Variants in UNC13C observed in about 807,000 individuals in gnomAD.
UNC13C encodes protein unc-13 homolog C.
UNC13C carries 174 observed loss-of-function variants against 245.4 expected under a neutral mutation model. That is an observed-to-expected ratio of 0.71 (90% CI 0.63 to 0.80). The LOEUF is 0.80. Among genes scored for constraint, UNC13C ranks in the 30% least tolerant of loss-of-function variants. The pLI is 0.00. For synonymous variants in UNC13C, 992 were observed against 895.1 expected, an observed-to-expected ratio of 1.11 and a Z score of -1.93; for missense variants, 2,829 against 2,602.9, an observed-to-expected ratio of 1.09 and a Z score of -1.89.
At chr15:54,618,636 A>T (rs1900601440) in intron 30 of UNC13C, among the ~76,000 whole-genome samples, 1 of 152,098 alleles carries the variant, frequency 6.6e-6, no homozygotes, top group Non-Finnish European at 1.5e-5. Flanking sequence ...TTCACTGTAC[A>T]CATCATATTC....
chr15:54,583,363 A>T (rs746321), intron 30 of UNC13C, among the ~76,000 whole-genome samples: 96,534 of 152,074 alleles, frequency 0.63, 31,188 homozygotes, highest in African/African-American at 0.72. Flanking sequence ...TGTAGACTGC[A>T]CTAAAATAAC....
downstream of UNC13C, chr15:54,629,997 C>T (rs1025179116): frequency 1.3e-5 from 2 of 152,136 alleles, no homozygotes; most frequent in African/African-American, 4.8e-5. Flanking sequence ...AGAACAAAGC[C>T]TGTTATATTT....
At chr15:54,216,789 T>A (rs1231365944) in intron 4 of UNC13C, among the ~76,000 whole-genome samples, 2 of 152,000 alleles carry the variant, frequency 1.3e-5, no homozygotes, top group South Asian at 4.1e-4. Flanking sequence ...AGCGTGAACA[T>A]TGTTGTTCCG....
At chr15:54,438,588 T>G (rs926736700) in intron 19 of UNC13C, among the ~76,000 whole-genome samples, 1 of 152,008 alleles carries the variant, frequency 6.6e-6, no homozygotes, top group African/African-American at 2.4e-5. Context: ...TTAATGTTTA[T>G]GTTCTTGCCA....
At chr15:54,616,301 G>C (rs1475148842) in intron 30 of UNC13C, among the ~76,000 whole-genome samples, 2 of 152,036 alleles carry the variant, frequency 1.3e-5, no homozygotes, top group Non-Finnish European at 2.9e-5. Context: ...CATAATTCCT[G>C]TGGAGTTTGT....
At chr15:54,018,884 G>A (rs1895776821) in intron 2 of UNC13C, among the ~76,000 whole-genome samples, 1 of 151,986 alleles carries the variant, frequency 6.6e-6, no homozygotes, top group African/African-American at 2.4e-5. Flanking sequence ...GAGTTAATAT[G>A]TGTTGGATAA....
intron 2 of UNC13C, among the ~76,000 whole-genome samples, chr15:54,054,258 C>T (rs1284713804): frequency 6.6e-6 from 1 of 152,150 alleles, no homozygotes; most frequent in Non-Finnish European, 1.5e-5. Flanking sequence ...TGTTCTTTCT[C>T]TGCATCTCCA....
At chr15:54,033,785 T>C (rs1896462249) in intron 2 of UNC13C, among the ~76,000 whole-genome samples, 1 of 152,008 alleles carries the variant, frequency 6.6e-6, no homozygotes. Flanking sequence ...CTCAGGAAAA[T>C]GGTCCAAGCA....
intron 8 of UNC13C, among the ~76,000 whole-genome samples, chr15:54,260,274 T>C (rs1218266487): frequency 2.0e-5 from 3 of 152,182 alleles, no homozygotes; most frequent in African/African-American, 7.2e-5. Context: ...AGAAATCTGC[T>C]AATACTACAA....
intron 14 of UNC13C, among the ~76,000 whole-genome samples, chr15:54,328,211 TATG>T (rs1289506252): frequency 1.1e-4 from 16 of 152,248 alleles, no homozygotes; most frequent in African/African-American, 3.8e-4. Context: ...TTCATAATAG[TATG>T]ATATTTCTGT....
At chr15:54,297,407 C>T (rs1377289112) in intron 11 of UNC13C, among the ~76,000 whole-genome samples, 2 of 151,926 alleles carry the variant, frequency 1.3e-5, no homozygotes. Flanking sequence ...AGGTGAAGTG[C>T]CCTGGTGTGA....
At chr15:54,068,612 G>C (rs1437221863) in intron 2 of UNC13C, among the ~76,000 whole-genome samples, 1 of 152,122 alleles carries the variant, frequency 6.6e-6, no homozygotes, top group Admixed American at 6.6e-5. Flanking sequence ...ACTGCTAAAG[G>C]AGAATGTGTT....
intron 7 of UNC13C, among the ~76,000 whole-genome samples, chr15:54,242,372 A>G (rs1158650994): frequency 1.3e-5 from 2 of 152,096 alleles, no homozygotes; most frequent in African/African-American, 4.8e-5. Context: ...AGTCTAGACA[A>G]TTTATATTTT....
At chr15:54,618,570 G>GTTCAAA (rs1555403064) in intron 30 of UNC13C, among the ~76,000 whole-genome samples, 4 of 151,274 alleles carry the variant, frequency 2.6e-5, no homozygotes, top group Non-Finnish European at 5.9e-5. Flanking sequence ...GATATCCTGT[G>GTTCAAA]TTCAAAGTGC....
In UNC13C at chr15:54,382,592, A is replaced by C. The variant is rs957257433; in HGVS notation, c.4714-10456A>C. The stretch of plus-strand genomic sequence containing the variant: ...ACCCTATCCCAAAAACAAACAAAAA[A>C]CAACAATGAAAAAAAAAACTCAGAA... On this transcript the variant is annotated intron_variant, in intron 17 of 32. Coordinates refer to ENST00000260323, the MANE Select transcript of UNC13C (RefSeq NM_001080534.3). Among the ~76,000 whole-genome samples the C allele has an allele frequency of 2.6e-5, 4 of 152,026 alleles. No homozygotes were observed. In the East Asian group the frequency reaches 5.8e-4, roughly 22 times the overall value.
Position 54,215,261 on chromosome 15 carries a change from A to T in UNC13C, c.3072-19769A>T, listed in dbSNP as rs905290053. On this transcript the variant is annotated intron_variant, in intron 4 of 32. Transcript: ENST00000260323. ...CCTTCAGGAGACTGTTGAAAGCTGCATTTAGGCTTTTTTACTTCCTCAACT... is the reference window on the plus strand; with the variant it reads ...CCTTCAGGAGACTGTTGAAAGCTGCTTTTAGGCTTTTTTACTTCCTCAACT... 2.0e-5 allele frequency among the ~76,000 whole-genome samples: 3 copies of T among 151,942 alleles called. No homozygotes were observed. The East Asian group carries it at 5.8e-4, about 29-fold the overall frequency.
At chr15:54,150,161 T>C (rs1432427463) in intron 4 of UNC13C, among the ~76,000 whole-genome samples, 2 of 152,246 alleles carry the variant, frequency 1.3e-5, no homozygotes, top group Non-Finnish European at 2.9e-5. Flanking sequence ...GTATCAGTTC[T>C]GTAGCTTATA....
intron 2 of UNC13C, among the ~76,000 whole-genome samples, chr15:54,132,074 C>CTTTTTTTTTTTT (rs1555420957): frequency 0.017 from 1,915 of 110,380 alleles, 80 homozygotes; most frequent in African/African-American, 0.06. Flanking sequence ...TTTTCTTTTT[C>CTTTTTTTTTTTT]TTTTTTTTTT....
Position 54,046,465 on chromosome 15 carries a change from T to C in UNC13C, c.2983+30579T>C, listed in dbSNP as rs543665653. 1.3e-3 allele frequency among the ~76,000 whole-genome samples: 192 copies of C among 152,310 alleles called. 1 individual carries two copies. The highest frequency in any genetic ancestry group is 2.3e-3 in the Non-Finnish European group (158 of 68,002). On this transcript the variant is annotated intron_variant, in intron 2 of 32. Coordinates refer to ENST00000260323, the MANE Select transcript of UNC13C (RefSeq NM_001080534.3). ...TTTCAACGTAATTTTAATTTGCATT[T>C]ATTTTATTGTGAATGAAATCAATAA...
Sources: gnomAD v4.1 joint callset for allele counts (sites outside exome capture counted in the v4.1 genomes callset) on GRCh38, gnomAD v4.1.1 for gene constraint, MANE v1.5 for transcripts, NCBI Gene and HGNC (gene_info 2026-07-23, HGNC 2026-07-21) for gene names.